The following CFAP61 variants were observed in gnomAD, a reference collection of about 807,000 sequenced individuals.
CFAP61 encodes the protein cilia- and flagella-associated protein 61.
In CFAP61, 107 loss-of-function variants were observed where a neutral mutation model predicts 135.6. The ratio of observed to expected loss-of-function variants is 0.79; its 90% CI spans 0.67 to 0.93. CFAP61 has a LOEUF of 0.93. Ranked by LOEUF, CFAP61 falls within the 40% of genes least tolerant of loss-of-function variation. The pLI is 0.00. For missense variants in CFAP61, 1,507 were observed against 1,556.2 expected (o/e 0.97, Z 0.53); for synonymous variants, 575 against 578.5 (o/e 0.99, Z 0.09).
At chr20:20,234,917 A>G (rs1163737336) in intron 18 of CFAP61, among the ~76,000 whole-genome samples, 3 of 152,214 alleles carry the variant, frequency 2.0e-5, no homozygotes, top group Non-Finnish European at 4.4e-5. Context: ...GCATACAGTC[A>G]GGTAGCAAAT....
At chr20:20,075,698 A>T in intron 6 of CFAP61, 83 bp downstream of exon 6, 1 of 1,505,240 alleles carries the variant, frequency 6.6e-7, no homozygotes. Flanking sequence ...ACCAATGCTA[A>T]GTGACTATAG....
At chr20:20,223,823 C>G (rs1240263750) in intron 17 of CFAP61, among the ~76,000 whole-genome samples, 1 of 152,144 alleles carries the variant, frequency 6.6e-6, no homozygotes, top group African/African-American at 2.4e-5. Flanking sequence ...ATGACATAAA[C>G]TCAACTGAGT....
intron 17 of CFAP61, among the ~76,000 whole-genome samples, chr20:20,202,222 C>T (rs1479736000): frequency 6.6e-6 from 1 of 152,120 alleles, no homozygotes; most frequent in African/African-American, 2.4e-5. Flanking sequence ...ATTGTTGAAA[C>T]CCAGGGTCCA....
At chr20:20,069,937 TTAAC>T (rs1270777095) in intron 2 of CFAP61, 2 of 268,296 alleles carry the variant, frequency 7.5e-6, no homozygotes, top group Non-Finnish European at 1.5e-5. Context: ...GAGTGAATGT[TTAAC>T]TATTTCTTCC....
At chr20:20,303,919 C>T (rs1175019891) in intron 25 of CFAP61, among the ~76,000 whole-genome samples, 1 of 152,178 alleles carries the variant, frequency 6.6e-6, no homozygotes. Context: ...CCACTTCCCC[C>T]TATCTATTCT....
chr20:20,311,810 G>A (rs1311191558), intron 25 of CFAP61, among the ~76,000 whole-genome samples: 2 of 152,194 alleles, frequency 1.3e-5, no homozygotes, highest in Non-Finnish European at 2.9e-5. Context: ...CACTCTAAAG[G>A]ATTAGAAAAA....
chr20:20,359,344 CT>C lies in CFAP61; in HGVS notation c.3514-858del, dbSNP rs11482667. 2.6e-5 allele frequency among the ~76,000 whole-genome samples: 4 copies of C among 151,764 alleles called. No homozygotes were observed. Among genetic ancestry groups the C allele is most frequent in the East Asian group, 1.9e-4 (1 of 5,194 alleles). ...TTCAAGTAAAAAGGTTTAATCACTC[CT>C]TTTTTTTATTTTTAAATTTTTTTAT... On this transcript the variant is annotated intron_variant, in intron 26 of 26. Transcript: ENST00000245957. This position sits in a 1 kb window ranked among gnomAD's most constrained non-coding sequence, Gnocchi z 4.0.
rs1347502895 is a variant in CFAP61, at chr20:20,296,026, CTTTCTTTT to C, written c.3217-2154_3217-2147del. ...CCTTCCTTCCCTCCTTTCCTTCCTT[CTTTCTTTT>C]CTTCCTCCCTCCCTTCCTTCCCTTC... On this transcript the variant is annotated intron_variant, in intron 24 of 26. Transcript: ENST00000245957. 1.8e-4 allele frequency among the ~76,000 whole-genome samples: 15 copies of C among 82,622 alleles called. 1 individual carries two copies. Among genetic ancestry groups the C allele is most frequent in the African/African-American group, 3.4e-4 (7 of 20,302 alleles). 54.2% of individuals were successfully genotyped at this position (82,622 alleles called of 152,430 possible). A position where few individuals can be genotyped will look rare whatever the true frequency, so the allele number is the denominator to read the frequency against.
chr20:20,336,310 G>A (rs907325503), intron 25 of CFAP61, among the ~76,000 whole-genome samples: 3 of 152,162 alleles, frequency 2.0e-5, no homozygotes, highest in Non-Finnish European at 4.4e-5. Flanking sequence ...CAAGACAAAA[G>A]TAATTATTTC....
At chr20:20,159,289 C>T in intron 9 of CFAP61, 81 bp from the exon 10 acceptor site, 3 of 1,277,636 alleles carry the variant, frequency 2.3e-6, no homozygotes, top group Non-Finnish European at 3.3e-6. Context: ...GGTCTGAACC[C>T]TGGCAGTTTG....
intron 8 of CFAP61, 133 bp from the exon 9 acceptor site, chr20:20,142,724 G>A (rs760604650): frequency 2.2e-5 from 14 of 632,950 alleles, no homozygotes; most frequent in Non-Finnish European, 3.7e-5. Flanking sequence ...CCACCTCAAG[G>A]TACTGCTCTC....
intron 20 of CFAP61, among the ~76,000 whole-genome samples, chr20:20,252,615 A>C (rs927711077): frequency 2.0e-5 from 3 of 152,194 alleles, no homozygotes; most frequent in Non-Finnish European, 4.4e-5. Context: ...GTGTGGTCCA[A>C]GATGATTCTT....
intron 9 of CFAP61, among the ~76,000 whole-genome samples, chr20:20,155,822 G>T (rs1285071150): frequency 6.6e-6 from 1 of 152,126 alleles, no homozygotes; most frequent in Non-Finnish European, 1.5e-5. Flanking sequence ...ATGCTGGTGG[G>T]AATGTAAACT....
chr20:20,254,399 C>T (rs928691502), intron 20 of CFAP61, among the ~76,000 whole-genome samples: 1 of 151,858 alleles, frequency 6.6e-6, no homozygotes. Context: ...GCCACGACTG[C>T]GTACTTTGGA....
At chr20:20,257,210 C>A (rs1337506359) in intron 20 of CFAP61, among the ~76,000 whole-genome samples, 1 of 152,194 alleles carries the variant, frequency 6.6e-6, no homozygotes, top group Non-Finnish European at 1.5e-5. Flanking sequence ...CTAAATCTCT[C>A]ATATTTGAAA....
chr20:20,144,393 C>T (rs1177628327), intron 9 of CFAP61, among the ~76,000 whole-genome samples: 1 of 136,704 alleles, frequency 7.3e-6, no homozygotes, highest in South Asian at 2.6e-4. Flanking sequence ...CCAAATCAAA[C>T]TTCTAGAGAT....
intron 13 of CFAP61, among the ~76,000 whole-genome samples, chr20:20,183,928 C>T (rs1460844097): frequency 6.6e-6 from 1 of 152,178 alleles, no homozygotes; most frequent in Non-Finnish European, 1.5e-5. Flanking sequence ...AAATATTCCT[C>T]TTTGGTGAAT....
chr20:20,139,263 G>A (rs1312511248), intron 8 of CFAP61, among the ~76,000 whole-genome samples: 1 of 152,202 alleles, frequency 6.6e-6, no homozygotes, highest in East Asian at 1.9e-4. Context: ...GGAGAGTAAT[G>A]CAAAATGATG....
chr20:20,273,886 G>C (rs923327583), intron 21 of CFAP61, among the ~76,000 whole-genome samples: 1 of 152,238 alleles, frequency 6.6e-6, no homozygotes, highest in African/African-American at 2.4e-5. Context: ...GGCAGCCTGA[G>C]GCCTTGACAT....
Sources: allele counts gnomAD v4.1 joint callset (sites outside exome capture counted in the v4.1 genomes callset), GRCh38; gene constraint gnomAD v4.1.1; non-coding constraint Gnocchi (gnomAD v3.1); transcripts MANE v1.5; gene names NCBI Gene and HGNC (gene_info 2026-07-23, HGNC 2026-07-21).